The following PADI3 variants were observed in gnomAD, a reference collection of about 807,000 sequenced individuals.
The protein encoded by PADI3 is peptidyl arginine deiminase 3, also known as protein-arginine deiminase type-3.
In PADI3, 53 loss-of-function variants were observed where a neutral mutation model predicts 71.5. That is an observed-to-expected ratio of 0.74 (90% confidence interval 0.59 to 0.93). PADI3 has a LOEUF of 0.93. PADI3 is among the 40% of genes least tolerant of loss of function. The probability of loss-of-function intolerance (pLI) is 0.00; values close to 1 mark genes in which losing one functional copy is unlikely to be tolerated. For synonymous variants in PADI3, 361 were observed against 347.5 expected (o/e 1.04, Z -0.43); for missense variants, 821 against 868.0 (o/e 0.95, Z 0.68).
intron 1 of PADI3, 67 bp downstream of exon 1, chr1:17,249,296 A>C: frequency 1.5e-6 from 2 of 1,312,390 alleles, no homozygotes; most frequent in Non-Finnish European, 2.2e-6. Flanking sequence ...TCCTCCCTGC[A>C]GGCTGGGCAG....
chr1:17,253,034 C>G, intron 1 of PADI3, among the ~76,000 whole-genome samples: 1 of 152,200 alleles, frequency 6.6e-6, no homozygotes, highest in East Asian at 1.9e-4. Flanking sequence ...TGTGAAATGA[C>G]TTGCTCAGGG....
chr1:17,275,557 C>A (rs2073319218), intron 11 of PADI3, among the ~76,000 whole-genome samples: 1 of 150,954 alleles, frequency 6.6e-6, no homozygotes, highest in Non-Finnish European at 1.5e-5. Flanking sequence ...AATATAAGAT[C>A]TTTTCCTGAG....
At chr1:17,278,035 T>A (rs1381345232) in intron 13 of PADI3, 1 of 153,298 alleles carries the variant, frequency 6.5e-6, no homozygotes, top group Non-Finnish European at 1.5e-5. Flanking sequence ...GCCTCCGCTG[T>A]GAGGCCCACA....
rs2073107833 is a variant in PADI3 at position 17,261,990 on chromosome 1, A to T, written c.274-143A>T. Reference sequence around the variant, plus strand: ...TACAGATATGCCAACCAAGACACAGAAAAATAAATGGCACAGAGGAGGTTA... The same window carrying T: ...TACAGATATGCCAACCAAGACACAGTAAAATAAATGGCACAGAGGAGGTTA... On this transcript the variant is annotated intron_variant, in intron 2 of 15. Coordinates refer to ENST00000375460, the MANE Select transcript of PADI3 (RefSeq NM_016233.2). 13 of 674,854 alleles carry T rather than the reference A, an allele frequency of 1.9e-5. 1 individual carries two copies. The South Asian group carries it at 2.3e-4, about 12-fold the overall frequency. 41.8% of individuals were successfully genotyped at this position (674,854 alleles called of 1,614,324 possible).
At chr1:17,252,564 C>T (rs559070631) in intron 1 of PADI3, among the ~76,000 whole-genome samples, 5 of 152,138 alleles carry the variant, frequency 3.3e-5, no homozygotes, top group Admixed American at 2.6e-4. Flanking sequence ...CCACCATCCC[C>T]GACTAAGTTT....
At position 17,268,498 on chromosome 1, in the gene PADI3, CTTTTTTTTT is replaced by C. The variant is rs564947321; in HGVS notation, c.652+555_652+563del. Among the ~76,000 whole-genome samples, 182 of 89,402 alleles carry C rather than the reference CTTTTTTTTT, an allele frequency of 2.0e-3. 2 individuals carry two copies. Among genetic ancestry groups the C allele is most frequent in the African/African-American group, 7.5e-3 (159 of 21,222 alleles). The allele number at this position is 89,402 out of a possible 152,430, so 58.7% of individuals were successfully genotyped here. On this transcript the variant is annotated intron_variant, in intron 6 of 15. Coordinates refer to ENST00000375460, the MANE Select transcript of PADI3 (RefSeq NM_016233.2). ...AAAAATGTATACAAGTAATAAGATG[CTTTTTTTTT>C]TTTTTTTTTTTTTTTTTTGAGACAG...
chr1:17,277,048 C>T (rs2073343632), intron 13 of PADI3, among the ~76,000 whole-genome samples, 172 bp downstream of exon 13: 1 of 152,232 alleles, frequency 6.6e-6, no homozygotes, highest in African/African-American at 2.4e-5. Context: ...CCACTGCCCA[C>T]AGCTGGGGCC....
chr1:17,272,484 A>AT (rs981565704), intron 9 of PADI3, among the ~76,000 whole-genome samples: 7 of 152,010 alleles, frequency 4.6e-5, no homozygotes, highest in Non-Finnish European at 8.8e-5. Flanking sequence ...ATTTTTATTT[A>AT]TTTTTTTAAA....
Position 17,274,746 on chromosome 1 carries a change from TA to T in PADI3, c.1268del (p.Tyr423SerfsTer53). Reference sequence around the variant, plus strand: ...TCCAGTGGTGGCCAATGGGAAAGAGTACCCCCTGGGGAGGATCCTCATTGGG... The same window carrying T: ...TCCAGTGGTGGCCAATGGGAAAGAGTCCCCCTGGGGAGGATCCTCATTGGG... ...SPPVVANGKEYPLGRILIGGN... is the reference protein window; with the variant it reads ...SPPVVANGKEXPLGRILIGGN... On this transcript the variant is annotated frameshift_variant, in exon 11 of 16. Transcript: ENST00000375460. LOFTEE classifies it high-confidence loss of function. 1 of 1,613,150 alleles carries T rather than the reference TA, an allele frequency of 6.2e-7. No individual in the cohort carries two copies. Among genetic ancestry groups the T allele is most frequent in the Non-Finnish European group, 8.5e-7 (1 of 1,179,692 alleles).
intron 1 of PADI3, among the ~76,000 whole-genome samples, chr1:17,252,186 T>C (rs2072973820): frequency 6.6e-6 from 1 of 152,058 alleles, no homozygotes; most frequent in African/African-American, 2.4e-5. Context: ...GGTGGCTGAT[T>C]AACTCCTCCC....
chr1:17,279,832 G>T (rs1422245051), intron 13 of PADI3, among the ~76,000 whole-genome samples: 1 of 152,178 alleles, frequency 6.6e-6, no homozygotes, highest in African/African-American at 2.4e-5. Flanking sequence ...ATCTGCATGG[G>T]CACACCATCA....
At chr1:17,249,993 T>C (rs1569870600) in intron 1 of PADI3, among the ~76,000 whole-genome samples, 1 of 152,244 alleles carries the variant, frequency 6.6e-6, no homozygotes, top group Non-Finnish European at 1.5e-5. Context: ...ATGCTCCTAC[T>C]GTGTGCCAGG....
intron 11 of PADI3, among the ~76,000 whole-genome samples, chr1:17,276,198 C>T (rs2073327757): frequency 6.6e-6 from 1 of 152,008 alleles, no homozygotes; most frequent in Non-Finnish European, 1.5e-5. Flanking sequence ...TTAGCCTGGC[C>T]TGGTGGTGCA....
At chr1:17,257,033 A>G (rs1056941653) in intron 1 of PADI3, among the ~76,000 whole-genome samples, 1 of 75,392 alleles carries the variant, frequency 1.3e-5, no homozygotes, top group African/African-American at 8.4e-5. Flanking sequence ...CTCTGTCTCA[A>G]AAAAAAAAAA....
intron 10 of PADI3, 72 bp downstream of exon 10, chr1:17,273,519 G>C: frequency 1.1e-6 from 1 of 947,992 alleles, no homozygotes; most frequent in Non-Finnish European, 1.6e-6. Flanking sequence ...CCGGGGTGTG[G>C]GGTACAGAGG....
At chr1:17,250,985 A>T (rs569450863) in intron 1 of PADI3, among the ~76,000 whole-genome samples, 2 of 152,178 alleles carry the variant, frequency 1.3e-5, no homozygotes, top group Non-Finnish European at 2.9e-5. Context: ...AGGGTGGGGG[A>T]TGGAAGCTCT....
chr1:17,268,097 G>A (rs4339902), intron 6 of PADI3, 135 bp downstream of exon 6: 274,040 of 990,278 alleles, frequency 0.28, 39,235 homozygotes, highest in African/African-American at 0.41. Context: ...GTGGCGGGTC[G>A]CAGTAAGAAC....
intron 3 of PADI3, among the ~76,000 whole-genome samples, chr1:17,263,097 A>G (rs1425686409): frequency 6.6e-6 from 1 of 152,190 alleles, no homozygotes; most frequent in Non-Finnish European, 1.5e-5. Context: ...TATTTTTAGT[A>G]GAGACAGGGT....
In PADI3 at chr1:17,280,335, C is replaced by T. The variant is rs772384072; in HGVS notation, c.1556-15C>T. The stretch of plus-strand genomic sequence containing the variant: ...TGCTGTCCCTGTCCTTCTCTTTCAT[C>T]TCTCTCCTTCACAGATGATGAGCAG... On this transcript the variant is annotated splice_polypyrimidine_tract_variant and intron_variant, in intron 13 of 15. Coordinates refer to ENST00000375460, the MANE Select transcript of PADI3 (RefSeq NM_016233.2). 6.2e-6 allele frequency: 10 copies of T among 1,608,286 alleles called. No individual in the cohort carries two copies. In the Admixed American group the frequency reaches 1.5e-4, roughly 24 times the overall value.
Sources: gnomAD v4.1 joint callset for allele counts (sites outside exome capture counted in the v4.1 genomes callset) on GRCh38, gnomAD v4.1.1 for gene constraint, MANE v1.5 for transcripts, NCBI Gene and HGNC (gene_info 2026-07-23, HGNC 2026-07-21) for gene names.